KRT86: variants seen among roughly 807,000 people sequenced by gnomAD.
The protein encoded by KRT86 is keratin, type II cuticular Hb6.
A neutral mutation model predicts 41.2 loss-of-function variants in KRT86; 30 were observed. The ratio of observed to expected loss-of-function variants is 0.73; its 90% confidence interval spans 0.54 to 0.99. KRT86 has a LOEUF of 0.99. KRT86 is among the 50% of genes least tolerant of loss of function. The pLI, the probability that KRT86 is intolerant of heterozygous loss-of-function variation, is 0.00. For missense variants in KRT86, 561 were observed against 571.4 expected, an observed-to-expected ratio of 0.98 and a Z score of 0.19; for synonymous variants, 238 against 238.1, an observed-to-expected ratio of 1.00 and a Z score of 0.00.
chr12:52,302,706 C>T (rs1938410488), intron 3 of KRT86, among the ~76,000 whole-genome samples: 1 of 65,876 alleles, frequency 1.5e-5, no homozygotes, highest in Non-Finnish European at 3.0e-5. Context: ...CCTGTGACAC[C>T]CTCTTCCTGG....
At chr12:52,291,048 G>T in intron 2 of KRT86, 1 of 494,090 alleles carries the variant, frequency 2.0e-6, no homozygotes, top group South Asian at 2.1e-5. Flanking sequence ...CCCGGCCCTG[G>T]CTGTGTAGGT....
intron 2 of KRT86, among the ~76,000 whole-genome samples, chr12:52,288,925 G>T (rs1193883367): frequency 2.2e-4 from 33 of 147,732 alleles, no homozygotes; most frequent in Middle Eastern, 6.9e-3. Context: ...ATCTGCTATG[G>T]CTCCAGGGGC....
In KRT86 at chr12:52,305,000, C is replaced by A. The variant is rs778154101; in HGVS notation, c.708C>A (p.Ile236=). ...EANVEALIQE[I]DFLRRLYEEE... is the part of the protein sequence containing the mutation. ...ATGTGGAGGCCCTGATCCAGGAGAT[C>A]GACTTCCTGAGGCGGCTGTATGAGG... The change falls in exon 6 of 11, where the codon ATC becomes ATA. Residue 236 remains isoleucine, a synonymous_variant. Transcript: ENST00000423955. The A allele has an allele frequency of 6.2e-7, 1 of 1,614,072 alleles. No homozygotes were observed. The highest frequency in any genetic ancestry group is 8.5e-7 in the Non-Finnish European group (1 of 1,180,008).
At chr12:52,283,635 C>T (rs879930344) in intron 2 of KRT86, among the ~76,000 whole-genome samples, 11 of 151,832 alleles carry the variant, frequency 7.2e-5, no homozygotes, top group African/African-American at 2.4e-4. Flanking sequence ...CATACCACCA[C>T]GCCTGGCTAA....
At position 52,306,282 on chromosome 12, in the gene KRT86, T is replaced by G. The variant is rs2121315044; in HGVS notation, c.1247+2T>G. The G allele has an allele frequency of 3.7e-6, 6 of 1,613,260 alleles. No individual in the cohort carries two copies. The highest frequency in any genetic ancestry group is 5.1e-6 in the Non-Finnish European group (6 of 1,180,006). ...CCTGCTGGAGGGCGAGGAGCAGAGG[T>G]GGGTCCCATAGACCTTTCCCTTTCC... On this transcript the variant is annotated splice_donor_variant, in intron 9 of 10. Transcript: ENST00000423955. LOFTEE classifies it high-confidence loss of function.
chr12:52,275,246 T>C (rs927648520), intron 1 of KRT86, among the ~76,000 whole-genome samples: 10 of 152,074 alleles, frequency 6.6e-5, no homozygotes, highest in African/African-American at 2.4e-4. Context: ...GGGGGCGAGG[T>C]GCAAGAAGGG....
intron 2 of KRT86, among the ~76,000 whole-genome samples, chr12:52,299,329 C>A (rs555388365): frequency 6.6e-6 from 1 of 152,270 alleles, no homozygotes; most frequent in East Asian, 1.9e-4. Flanking sequence ...CTGTAACATA[C>A]TTTCTTTATT....
intron 2 of KRT86, among the ~76,000 whole-genome samples, chr12:52,301,486 C>A (rs1251880486): frequency 2.6e-5 from 4 of 152,082 alleles, no homozygotes; most frequent in Admixed American, 2.0e-4. Context: ...CCGCGGACAG[C>A]GGCATTGACC....
At position 52,308,692 on chromosome 12, in the gene KRT86, G is replaced by A; in HGVS notation, c.*107G>A. The A allele has an allele frequency of 2.7e-6, 3 of 1,100,426 alleles. No individual in the cohort carries two copies. The highest frequency in any genetic ancestry group is 4.0e-6 in the Non-Finnish European group (3 of 757,762). 68.2% of individuals were successfully genotyped at this position (1,100,426 alleles called of 1,614,324 possible). A position where few individuals can be genotyped will look rare whatever the true frequency, so the allele number is the denominator to read the frequency against. On this transcript the variant is annotated 3_prime_UTR_variant, in exon 11 of 11. Transcript: ENST00000423955. Reference sequence around the variant, plus strand: ...GCCGGCCTCCCAATAGCCGCCGCCCGCTGCCTGCACTCTAAGCGCCCTCCC... The same window carrying A: ...GCCGGCCTCCCAATAGCCGCCGCCCACTGCCTGCACTCTAAGCGCCCTCCC...
In KRT86 at chr12:52,308,406, G is replaced by T. The variant is rs763403025; in HGVS notation, c.1282G>T (p.Val428Phe). The part of the protein sequence containing the change: ...CEGVGSVNVC[V>F]SSSRGGVVCG... ...GCCTCCGTCTCTTTCCCCTGCAGGCGTCAGCAGCTCCCGCGGTGGCGTTGT... is the reference window on the plus strand; with the variant it reads ...GCCTCCGTCTCTTTCCCCTGCAGGCTTCAGCAGCTCCCGCGGTGGCGTTGT... Residue 428 changes from valine to phenylalanine, a missense_variant and splice_region_variant, in exon 11 of 11, where the codon GTC becomes TTC. Val to Phe is a conservative substitution (Grantham distance 50, BLOSUM62 -1). Coordinates refer to ENST00000423955, the MANE Select transcript of KRT86 (RefSeq NM_001320198.2). 3.1e-6 allele frequency: 5 copies of T among 1,611,486 alleles called. No individual in the cohort carries two copies. The highest frequency in any genetic ancestry group is 4.2e-6 in the Non-Finnish European group (5 of 1,179,468).
Position 52,275,948 on chromosome 12 carries a change from T to C in KRT86, c.-5+2T>C, listed in dbSNP as rs1592412634. The C allele has an allele frequency of 1.0e-6, 1 of 985,850 alleles. No individual in the cohort carries two copies. The allele number at this position is 985,850 out of a possible 1,614,324, so 61.1% of individuals were successfully genotyped here. A position where few individuals can be genotyped will look rare whatever the true frequency, so the allele number is the denominator to read the frequency against. ...GAGGTGGGCAGTGCTGAGAGTCAGG[T>C]GAGAGGTGGGAGTGGGGGGCAACAG... is the stretch of plus-strand genomic sequence containing the variant. On this transcript the variant is annotated splice_donor_variant, in intron 2 of 10. Transcript: ENST00000423955. LOFTEE classifies it low-confidence loss of function (5UTR_SPLICE).
chr12:52,298,598 T>C (rs1938302946), intron 2 of KRT86, among the ~76,000 whole-genome samples: 1 of 152,218 alleles, frequency 6.6e-6, no homozygotes, highest in African/African-American at 2.4e-5. Context: ...TTAACTCTTT[T>C]AATCTTTACA....
chr12:52,308,868 G>C lies in KRT86; in HGVS notation c.*283G>C. ...CCGCCTGCCTTCTGTTTTTTTTGCT[G>C]TATACATTGGTCTTGCCTGAGCTCT... On this transcript the variant is annotated 3_prime_UTR_variant, in exon 11 of 11. Transcript: ENST00000423955. 2 of 477,848 alleles carry C rather than the reference G, an allele frequency of 4.2e-6. No homozygotes were observed. The highest frequency in any genetic ancestry group is 7.6e-6 in the Non-Finnish European group (2 of 263,622). 29.6% of individuals were successfully genotyped at this position (477,848 alleles called of 1,614,324 possible). A position where few individuals can be genotyped will look rare whatever the true frequency, so the allele number is the denominator to read the frequency against.
chr12:52,281,521 C>T (rs183668657), intron 2 of KRT86, among the ~76,000 whole-genome samples: 21 of 152,220 alleles, frequency 1.4e-4, no homozygotes, highest in Admixed American at 7.2e-4. Context: ...CTGCATAACC[C>T]CTTGGAAGTC....
At chr12:52,293,520 G>C (rs756572590) in intron 2 of KRT86, among the ~76,000 whole-genome samples, 2 of 152,134 alleles carry the variant, frequency 1.3e-5, no homozygotes, top group Non-Finnish European at 1.5e-5. Context: ...TAAGGAAGAC[G>C]GGCAGAGTCA....
chr12:52,283,029 C>T (rs1937812277), intron 2 of KRT86, among the ~76,000 whole-genome samples: 1 of 152,194 alleles, frequency 6.6e-6, no homozygotes, highest in African/African-American at 2.4e-5. Flanking sequence ...CATGCGCATA[C>T]ACTGCACAGT....
In KRT86 at chr12:52,308,542, C is replaced by T. The variant is rs763879273; in HGVS notation, c.1418C>T (p.Ser473Phe). The T allele has an allele frequency of 6.2e-7, 1 of 1,601,520 alleles. No homozygotes were observed. Among genetic ancestry groups the T allele is most frequent in the Non-Finnish European group, 8.5e-7 (1 of 1,179,826 alleles). The change falls in exon 11 of 11, where the codon TCC becomes TTC. Residue 473 changes from serine (S) to phenylalanine (F), a missense_variant. By Grantham distance (155) the Ser-to-Phe change is radical (BLOSUM62 -2). Transcript: ENST00000423955. ...GGCACTACTAACGCCTGCGCCCCCT[C>T]CGCCCGGGTTGGCGTCTGCGGCGGC... ...VVGTTNACAP[S>F]ARVGVCGGSC...
intron 2 of KRT86, among the ~76,000 whole-genome samples, chr12:52,301,443 C>T (rs563704633): frequency 3.3e-5 from 5 of 151,908 alleles, no homozygotes; most frequent in African/African-American, 1.2e-4. Flanking sequence ...AAGGGATTCC[C>T]CCTCCCAACA....
intron 9 of KRT86, chr12:52,306,671 C>A: frequency 2.8e-6 from 1 of 358,348 alleles, no homozygotes; most frequent in Non-Finnish European, 5.3e-6. Context: ...CCTGGGAGTT[C>A]AGATGTATCC....
Sources: gnomAD v4.1 joint callset for allele counts (sites outside exome capture counted in the v4.1 genomes callset) on GRCh38, gnomAD v4.1.1 for gene constraint, MANE v1.5 for transcripts, NCBI Gene and HGNC (gene_info 2026-07-23, HGNC 2026-07-21) for gene names.